The following GPM6B variants were observed in gnomAD, a reference collection of about 807,000 sequenced individuals.
The protein encoded by GPM6B is neuronal membrane glycoprotein M6-b.
In GPM6B, 4 loss-of-function variants were observed where a neutral mutation model predicts 27.2. That is an observed-to-expected ratio of 0.15 (90% CI 0.07 to 0.34). GPM6B has a LOEUF of 0.34. Among genes scored for constraint, GPM6B ranks in the 10% least tolerant of loss-of-function variants. GPM6B has a pLI of 1.00. For missense variants in GPM6B, 183 were observed against 261.9 expected, an observed-to-expected ratio of 0.70 and a Z score of 2.08; for synonymous variants, 124 against 103.1, an observed-to-expected ratio of 1.20 and a Z score of -1.23.
chrX:13,863,754 A>G (rs1043343585), intron 1 of GPM6B, among the ~76,000 whole-genome samples: 1 of 112,383 alleles, frequency 8.9e-6, no homozygotes, highest in Non-Finnish European at 1.9e-5. Flanking sequence ...TGTGATAATT[A>G]TAGCAGTTTT....
At chrX:13,813,904 T>C (rs990646374) in intron 1 of GPM6B, among the ~76,000 whole-genome samples, 1 of 112,592 alleles carries the variant, frequency 8.9e-6, no homozygotes, top group Admixed American at 9.4e-5. Context: ...GAAAATCTGC[T>C]TGTTTTCCTT....
intron 1 of GPM6B, among the ~76,000 whole-genome samples, chrX:13,933,994 G>A (rs949618397): frequency 9.0e-5 from 10 of 111,128 alleles, no homozygotes; most frequent in Non-Finnish European, 1.5e-4. Context: ...TAAGTGGCAC[G>A]TTTTATGATT....
intron 6 of GPM6B, among the ~76,000 whole-genome samples, 196 bp downstream of exon 6, chrX:13,777,156 C>A (rs1424263020): frequency 9.0e-6 from 1 of 111,684 alleles, no homozygotes; most frequent in Non-Finnish European, 1.9e-5. Context: ...ATGTGTTGGA[C>A]CATATGAAGT....
chrX:13,776,444 T>C lies in GPM6B; in HGVS notation c.772-141A>G, dbSNP rs775333964. On this transcript the variant is annotated intron_variant, in intron 6 of 7. Transcript: ENST00000316715. Reference sequence around the variant, plus strand: ...ACAGGCCTGCCTTCTCTTCATGCTCTGGCCTCATGGTGGAATCACCCGAGG... The same window carrying C: ...ACAGGCCTGCCTTCTCTTCATGCTCCGGCCTCATGGTGGAATCACCCGAGG... 4.1e-4 allele frequency: 187 copies of C among 458,039 alleles called. No individual in the cohort carries two copies. The African/African-American group carries it at 4.1e-3, about 10-fold the overall frequency. 37.7% of individuals were successfully genotyped at this position (458,039 alleles called of 1,213,427 possible).
rs3827471 is a variant in GPM6B, at chrX:13,771,249, C to T, written c.*1632G>A. ...GAAAAGTAAAATTAGGCTTTAGACA[C>T]TGCCTCTTCTAGAACACTGGACTCT... On this transcript the variant is annotated 3_prime_UTR_variant, in exon 8 of 8. Coordinates refer to ENST00000316715, the MANE Select transcript of GPM6B (RefSeq NM_001001995.3). The T allele has an allele frequency of 4.5e-5, 5 of 111,837 alleles. No homozygotes were observed. In the East Asian group the frequency reaches 1.1e-3, roughly 25 times the overall value. 9.2% of individuals were successfully genotyped at this position (111,837 alleles called of 1,213,427 possible). A position where few individuals can be genotyped will look rare whatever the true frequency, so the allele number is the denominator to read the frequency against.
intron 2 of GPM6B, among the ~76,000 whole-genome samples, chrX:13,786,525 C>A (rs2048615731): frequency 9.1e-6 from 1 of 110,476 alleles, no homozygotes; most frequent in African/African-American, 3.3e-5. Context: ...AAAATGCTTC[C>A]CCCCAGCCCA....
chrX:13,926,428 A>AC (rs1458480729), intron 1 of GPM6B, among the ~76,000 whole-genome samples: 2 of 97,726 alleles, frequency 2.0e-5, no homozygotes, highest in Non-Finnish European at 4.2e-5. Context: ...AAACAAACAA[A>AC]AAAAAAAAAC....
At chrX:13,874,454 T>C (rs1462707454) in intron 1 of GPM6B, among the ~76,000 whole-genome samples, 1 of 108,732 alleles carries the variant, frequency 9.2e-6, no homozygotes, top group African/African-American at 3.4e-5. Flanking sequence ...TCTCAGCACT[T>C]TGGGAGGCTG....
At chrX:13,809,468 G>A (rs1245926024) in intron 1 of GPM6B, among the ~76,000 whole-genome samples, 1 of 111,217 alleles carries the variant, frequency 9.0e-6, no homozygotes, top group Non-Finnish European at 1.9e-5. Flanking sequence ...TTAACTTTCA[G>A]TCTTCCTTAG....
At position 13,795,012 on chromosome X, in the gene GPM6B, A is replaced by G. The variant is rs188326209; in HGVS notation, c.182-9204T>C. Among the ~76,000 whole-genome samples the G allele has an allele frequency of 2.8e-3, 313 of 112,503 alleles. 3 individuals carry two copies. Among genetic ancestry groups the G allele is most frequent in the Non-Finnish European group, 5.3e-3 (280 of 53,282 alleles). On this transcript the variant is annotated intron_variant, in intron 2 of 7. Coordinates refer to ENST00000316715, the MANE Select transcript of GPM6B (RefSeq NM_001001995.3). ...CAAAAATGAACAGCTTGTCACTTCAAAGAAAACAACTGATAGTATCTGTTG... is the reference window on the plus strand; with the variant it reads ...CAAAAATGAACAGCTTGTCACTTCAGAGAAAACAACTGATAGTATCTGTTG...
chrX:13,916,663 A>ATGCGTGTGTG (rs1555931116), intron 1 of GPM6B, among the ~76,000 whole-genome samples: 1 of 90,158 alleles, frequency 1.1e-5, no homozygotes, highest in Non-Finnish European at 2.2e-5. Context: ...TAGTTTATTA[A>ATGCGTGTGTG]TGTGTGTGTG....
intron 2 of GPM6B, among the ~76,000 whole-genome samples, chrX:13,791,767 G>A (rs946747996): frequency 9.0e-6 from 1 of 111,272 alleles, no homozygotes; most frequent in African/African-American, 3.3e-5. Context: ...GTTCATAATG[G>A]CCAAGTGATT....
chrX:13,772,912 C>A lies in GPM6B; in HGVS notation c.956G>T (p.Arg319Leu). The part of the protein sequence containing the change: ...EEQELQDIQS[R>L]SKEQLNSYT ...GTAAGAATTGAGTTGTTCTTTTGAC[C>A]GAGACTGGATATCTTGCAGTTCCTG... Residue 319 changes from arginine to leucine, a missense_variant, in exon 8 of 8, where the codon CGG becomes CTG. Arg to Leu is a moderately radical substitution (Grantham distance 102). Coordinates refer to ENST00000316715, the MANE Select transcript of GPM6B (RefSeq NM_001001995.3). The A allele has an allele frequency of 8.3e-7, 1 of 1,210,121 alleles. No homozygotes were observed. The highest frequency in any genetic ancestry group is 1.1e-6 in the Non-Finnish European group (1 of 894,450).
At chrX:13,938,543 G>A, upstream of GPM6B, 1 of 360,450 alleles carries the variant, frequency 2.8e-6, no homozygotes, top group Non-Finnish European at 3.6e-6. Flanking sequence ...TGAGGGCTGC[G>A]GGGCGTTCGG....
At chrX:13,796,471 C>T (rs1014422769) in intron 2 of GPM6B, among the ~76,000 whole-genome samples, 6 of 112,049 alleles carry the variant, frequency 5.4e-5, no homozygotes, top group Non-Finnish European at 1.1e-4. Context: ...GGACCTAACA[C>T]CCAGAAAGTT....
At chrX:13,887,659 T>C (rs2050150181) in intron 1 of GPM6B, among the ~76,000 whole-genome samples, 1 of 111,948 alleles carries the variant, frequency 8.9e-6, no homozygotes, top group Non-Finnish European at 1.9e-5. Context: ...CTGTAAGTAT[T>C]CAAAATACAG....
At chrX:13,872,330 C>A (rs892904850) in intron 1 of GPM6B, among the ~76,000 whole-genome samples, 4 of 109,676 alleles carry the variant, frequency 3.6e-5, no homozygotes, top group Non-Finnish European at 7.6e-5. Context: ...GCCACCACAC[C>A]GGGCTATTTT....
chrX:13,884,819 C>T lies in GPM6B; in HGVS notation c.-198+53508G>A, dbSNP rs144679707. 6.8e-4 allele frequency among the ~76,000 whole-genome samples: 76 copies of T among 111,525 alleles called. No homozygotes were observed. The East Asian group carries it at 0.019, about 27-fold the overall frequency. On this transcript the variant is annotated intron_variant, in intron 1 of 6. Transcript: ENST00000398361. ...GACCAAGGACTCCAGATAAAAGAGACAAAGATGCAAATAAATGTGACAGAA... is the reference window on the plus strand; with the variant it reads ...GACCAAGGACTCCAGATAAAAGAGATAAAGATGCAAATAAATGTGACAGAA...
At chrX:13,860,948 C>T (rs2049837907) in intron 1 of GPM6B, among the ~76,000 whole-genome samples, 2 of 109,022 alleles carry the variant, frequency 1.8e-5, no homozygotes, top group South Asian at 4.0e-4. Flanking sequence ...CAGGTTGCCA[C>T]GAATGCCATT....
Sources: allele counts gnomAD v4.1 joint callset (sites outside exome capture counted in the v4.1 genomes callset), GRCh38; gene constraint gnomAD v4.1.1; transcripts MANE v1.5; gene names NCBI Gene and HGNC (gene_info 2026-07-23, HGNC 2026-07-21).